Variants in PPM1E observed in about 807,000 individuals in gnomAD.
The protein encoded by PPM1E is protein phosphatase 1E.
PPM1E carries 20 observed loss-of-function variants against 65.9 expected under a neutral mutation model. The observed-to-expected ratio is 0.30, with a 90% CI of 0.21 to 0.44. The LOEUF (loss-of-function observed/expected upper bound fraction) is 0.44, where lower values mean the gene tolerates loss of function less well. Among genes scored for constraint, PPM1E ranks in the 20% least tolerant of loss-of-function variants. PPM1E has a pLI of 1.00. For missense variants in PPM1E, 713 were observed against 953.1 expected (o/e 0.75, Z 3.32); for synonymous variants, 352 against 374.9 (o/e 0.94, Z 0.70).
intron 1 of PPM1E, among the ~76,000 whole-genome samples, chr17:58,815,078 A>C (rs1298770726): frequency 1.3e-5 from 2 of 152,228 alleles, no homozygotes; most frequent in Admixed American, 1.3e-4. Flanking sequence ...TAAACCACTT[A>C]AACTTTTGCC....
Position 58,969,437 on chromosome 17 carries a change from G to A in PPM1E, c.784-102G>A, listed in dbSNP as rs768557081. The A allele has an allele frequency of 1.2e-5, 13 of 1,079,976 alleles. No homozygotes were observed. The African/African-American group carries it at 1.9e-4, about 15-fold the overall frequency. 66.9% of individuals were successfully genotyped at this position (1,079,976 alleles called of 1,614,324 possible). On this transcript the variant is annotated intron_variant, in intron 3 of 6. Coordinates refer to ENST00000308249, the MANE Select transcript of PPM1E (RefSeq NM_014906.5). ...AGTCTCATTATTCTGAATGACAAAT[G>A]CAGTGGAGGAGAAAGGATGGGCAAC...
intron 1 of PPM1E, among the ~76,000 whole-genome samples, chr17:58,897,558 C>CA (rs2051438069): frequency 2.0e-5 from 3 of 152,232 alleles, no homozygotes; most frequent in Admixed American, 2.0e-4. Flanking sequence ...GACCATGGAT[C>CA]AAAGAGTAAT....
In PPM1E at chr17:58,756,023, A is replaced by G. The variant is rs1412506099; in HGVS notation, c.26A>G (p.Lys9Arg). 2.5e-6 allele frequency: 4 copies of G among 1,613,908 alleles called. No individual in the cohort carries two copies. The highest frequency in any genetic ancestry group is 1.3e-5 in the African/African-American group (1 of 74,934). Reference protein sequence around the residue: MAGCIPEEKTYRRFLELFL... With the variant: MAGCIPEERTYRRFLELFL... ...ATGGCCGGCTGCATCCCTGAGGAGA[A>G]AACTTACCGGCGCTTCCTGGAGCTA... The change falls in exon 1 of 7, where the codon AAA (lysine) becomes AGA (arginine). Residue 9 changes from lysine (K) to arginine (R), a missense_variant. By Grantham distance (26) the Lys-to-Arg change is conservative (BLOSUM62 2). Transcript: ENST00000308249.
At chr17:58,934,410 T>G (rs562044506) in intron 1 of PPM1E, among the ~76,000 whole-genome samples, 83 of 152,342 alleles carry the variant, frequency 5.4e-4, no homozygotes, top group African/African-American at 1.9e-3. Flanking sequence ...CATGGTACAC[T>G]GTTTTGTAAA....
intron 1 of PPM1E, among the ~76,000 whole-genome samples, chr17:58,817,285 A>C: frequency 6.6e-6 from 1 of 152,132 alleles, no homozygotes; most frequent in South Asian, 2.1e-4. Context: ...GTATATGCCT[A>C]GGAGTGGAAT....
chr17:58,960,722 C>G, intron 2 of PPM1E, among the ~76,000 whole-genome samples: 1 of 148,722 alleles, frequency 6.7e-6, no homozygotes, highest in Middle Eastern at 3.4e-3. Context: ...GCTGAGATCA[C>G]GCCACTGCAC....
intron 1 of PPM1E, among the ~76,000 whole-genome samples, chr17:58,908,365 C>T (rs189004258): frequency 2.4e-4 from 36 of 152,054 alleles, no homozygotes; most frequent in African/African-American, 8.7e-4. Flanking sequence ...AGGCATGAGC[C>T]ACCCGGCCTG....
intron 1 of PPM1E, among the ~76,000 whole-genome samples, chr17:58,906,928 T>A (rs2051565153): frequency 3.9e-5 from 6 of 152,218 alleles, no homozygotes; most frequent in Admixed American, 3.3e-4. Context: ...TTTCTTTGAT[T>A]CATGTGTTAT....
rs1019720019 is a variant in PPM1E at position 58,910,169 on chromosome 17, C to G, written c.465-45480C>G. Among the ~76,000 whole-genome samples the G allele has an allele frequency of 1.6e-4, 25 of 152,004 alleles. 1 individual carries two copies. Among genetic ancestry groups the G allele is most frequent in the South Asian group, 1.2e-3 (6 of 4,812 alleles). ...CCACCCGCCTCGTTGCCCCACAGTTCTTGAGTATTCTGTTCTGTTTTTTTC... is the reference window on the plus strand; with the variant it reads ...CCACCCGCCTCGTTGCCCCACAGTTGTTGAGTATTCTGTTCTGTTTTTTTC... On this transcript the variant is annotated intron_variant, in intron 1 of 6. Coordinates refer to ENST00000308249, the MANE Select transcript of PPM1E (RefSeq NM_014906.5).
Position 58,983,033 on chromosome 17 carries a change from A to G in PPM1E, c.*2002A>G. On this transcript the variant is annotated 3_prime_UTR_variant, in exon 7 of 7. Coordinates refer to ENST00000308249, the MANE Select transcript of PPM1E (RefSeq NM_014906.5). ...AAAATTTCTATTGTTGTCTATTGGT[A>G]ATGTTTTTGATCAGAATAAAGAGGG... 1 of 1,005,548 alleles carries G rather than the reference A, an allele frequency of 9.9e-7. No homozygotes were observed. The highest frequency in any genetic ancestry group is 1.5e-6 in the Non-Finnish European group (1 of 677,518). The allele number at this position is 1,005,548 out of a possible 1,614,324, so 62.3% of individuals were successfully genotyped here.
intron 1 of PPM1E, among the ~76,000 whole-genome samples, chr17:58,919,613 C>G (rs978014268): frequency 2.0e-5 from 3 of 151,958 alleles, no homozygotes; most frequent in Non-Finnish European, 4.4e-5. Context: ...TGGAGAAACC[C>G]TGTCTCTACT....
intron 1 of PPM1E, among the ~76,000 whole-genome samples, chr17:58,798,523 CTA>C (rs1555610618): frequency 6.8e-6 from 1 of 146,240 alleles, no homozygotes; most frequent in East Asian, 2.0e-4. Flanking sequence ...GCACACGGCC[CTA>C]TTTTTTTTTT....
intron 1 of PPM1E, among the ~76,000 whole-genome samples, chr17:58,837,358 C>G (rs2050673065): frequency 6.7e-6 from 1 of 150,224 alleles, no homozygotes; most frequent in Admixed American, 6.7e-5. Context: ...CACACACACA[C>G]ACTAAATCTC....
intron 3 of PPM1E, 21 bp downstream of exon 3, chr17:58,965,914 G>T: frequency 1.2e-6 from 2 of 1,609,046 alleles, no homozygotes; most frequent in Middle Eastern, 3.4e-4. Context: ...CTTTCGGAGA[G>T]TCAGTGAGAT....
intron 1 of PPM1E, among the ~76,000 whole-genome samples, chr17:58,888,281 A>T (rs969398821): frequency 7.4e-6 from 1 of 134,740 alleles, no homozygotes; most frequent in Non-Finnish European, 1.6e-5. Flanking sequence ...TATACATACA[A>T]TGAAAACTTC....
chr17:58,787,412 C>A (rs1230708207), intron 1 of PPM1E, among the ~76,000 whole-genome samples: 4 of 151,604 alleles, frequency 2.6e-5, no homozygotes, highest in Non-Finnish European at 5.9e-5. Context: ...TTTTAACCCA[C>A]AGCTAATATG....
At chr17:58,762,164 C>T (rs994094544) in intron 1 of PPM1E, among the ~76,000 whole-genome samples, 1 of 152,116 alleles carries the variant, frequency 6.6e-6, no homozygotes, top group Non-Finnish European at 1.5e-5. Context: ...CTGGTTTTAA[C>T]AAAATTAGCC....
rs1246291183 is a variant in PPM1E at position 58,980,102 on chromosome 17, G to C, written c.1339G>C (p.Val447Leu). ...TGACACCGTGAACCCTGATGAGGCA[G>C]TGAAAGTTGTGTCCGACCACCTGAA... is the stretch of plus-strand genomic sequence containing the variant. ...FYDTVNPDEA[V>L]KVVSDHLKEN... The change falls in exon 7 of 7, where the codon GTG becomes CTG. Residue 447 changes from valine (V) to leucine (L), a missense_variant. By Grantham distance (32) the Val-to-Leu change is conservative (BLOSUM62 1). This residue lies in a region of PPM1E where 88 missense variants were observed against 231.1 expected (regional missense o/e 0.38). Coordinates refer to ENST00000308249, the MANE Select transcript of PPM1E (RefSeq NM_014906.5). This position sits in a 1 kb window ranked among gnomAD's most constrained non-coding sequence, Gnocchi z 4.7. 1 of 1,614,168 alleles carries C rather than the reference G, an allele frequency of 6.2e-7. No individual in the cohort carries two copies. Among genetic ancestry groups the C allele is most frequent in the Non-Finnish European group, 8.5e-7 (1 of 1,180,020 alleles).
intron 1 of PPM1E, among the ~76,000 whole-genome samples, chr17:58,823,850 C>T (rs1025852302): frequency 3.9e-5 from 6 of 151,978 alleles, no homozygotes; most frequent in African/African-American, 1.5e-4. Flanking sequence ...CCTGCCTCAG[C>T]CTCCCGAGTA....
Sources: allele counts gnomAD v4.1 joint callset (sites outside exome capture counted in the v4.1 genomes callset), GRCh38; gene constraint gnomAD v4.1.1; regional missense constraint gnomAD v4.1.1; non-coding constraint Gnocchi (gnomAD v3.1); transcripts MANE v1.5; gene names NCBI Gene and HGNC (gene_info 2026-07-23, HGNC 2026-07-21).